The following ARHGAP42 variants were observed in gnomAD, a reference collection of about 807,000 sequenced individuals.
ARHGAP42 encodes the protein Rho GTPase activating protein 42.
ARHGAP42 carries 63 observed loss-of-function variants against 125.0 expected under a neutral mutation model. That is an observed-to-expected ratio of 0.50 (90% CI 0.41 to 0.62). ARHGAP42 has a LOEUF of 0.62. Among genes scored for constraint, ARHGAP42 ranks in the 20% least tolerant of loss-of-function variants. The pLI is 0.00. For missense variants in ARHGAP42, 766 were observed against 1,024.2 expected (o/e 0.75, Z 3.44); for synonymous variants, 339 against 351.0 (o/e 0.97, Z 0.38).
intron 10 of ARHGAP42, among the ~76,000 whole-genome samples, chr11:100,944,503 T>C (rs1167789833): frequency 6.6e-6 from 1 of 152,154 alleles, no homozygotes; most frequent in Non-Finnish European, 1.5e-5. Context: ...GCTTATTGTG[T>C]GTATCCATGT....
chr11:100,982,199 A>G (rs556485423), intron 22 of ARHGAP42, among the ~76,000 whole-genome samples: 1 of 152,314 alleles, frequency 6.6e-6, no homozygotes, highest in African/African-American at 2.4e-5. Context: ...ACAGTGGTAG[A>G]AGCTGCAAAA....
chr11:100,974,405 G>C, intron 18 of ARHGAP42, 54 bp from the exon 19 acceptor site: 1 of 1,495,380 alleles, frequency 6.7e-7, no homozygotes, highest in South Asian at 1.3e-5. Context: ...ATTTTATAAT[G>C]AAAGTGGCAA....
At chr11:100,695,912 T>C (rs552492923) in intron 1 of ARHGAP42, among the ~76,000 whole-genome samples, 2 of 152,122 alleles carry the variant, frequency 1.3e-5, no homozygotes, top group African/African-American at 4.8e-5. Context: ...ACATGGAATA[T>C]AGTGGGAAAA....
At chr11:100,855,608 A>C (rs1379364433) in intron 3 of ARHGAP42, among the ~76,000 whole-genome samples, 1 of 152,062 alleles carries the variant, frequency 6.6e-6, no homozygotes, top group Non-Finnish European at 1.5e-5. Flanking sequence ...TCATTCTTCA[A>C]ACCACATAAA....
intron 1 of ARHGAP42, among the ~76,000 whole-genome samples, chr11:100,744,552 G>GTC: frequency 8.1e-6 from 1 of 122,842 alleles, no homozygotes; most frequent in Non-Finnish European, 1.7e-5. Context: ...GTGTGTGTGT[G>GTC]TGTGTGTGTG....
chr11:100,695,367 G>C (rs980740992), intron 1 of ARHGAP42, among the ~76,000 whole-genome samples: 1 of 152,098 alleles, frequency 6.6e-6, no homozygotes, highest in Admixed American at 6.6e-5. Context: ...GCAATCGCAC[G>C]ATCTCAGCTC....
intron 4 of ARHGAP42, among the ~76,000 whole-genome samples, chr11:100,905,749 G>T (rs1401953239): frequency 5.3e-5 from 8 of 152,122 alleles, no homozygotes; most frequent in Admixed American, 4.6e-4. Context: ...GGTCGAGGCG[G>T]GTGGTTCACT....
At chr11:100,965,327 G>T (rs911929753) in intron 16 of ARHGAP42, among the ~76,000 whole-genome samples, 2 of 152,134 alleles carry the variant, frequency 1.3e-5, no homozygotes, top group African/African-American at 4.8e-5. Flanking sequence ...AGCAATTGCT[G>T]TGATCATTCA....
chr11:100,773,529 A>G (rs902886892), intron 2 of ARHGAP42, among the ~76,000 whole-genome samples: 1 of 152,192 alleles, frequency 6.6e-6, no homozygotes, highest in African/African-American at 2.4e-5. Context: ...AGTACAGAAA[A>G]CATCTTTCTG....
chr11:100,974,257 T>A (rs936816253), intron 18 of ARHGAP42, among the ~76,000 whole-genome samples: 6 of 152,210 alleles, frequency 3.9e-5, no homozygotes, highest in Admixed American at 3.9e-4. Context: ...AAAGATCTTC[T>A]AGATTTTACT....
At chr11:100,866,287 C>T (rs1418662969) in intron 4 of ARHGAP42, among the ~76,000 whole-genome samples, 1 of 152,150 alleles carries the variant, frequency 6.6e-6, no homozygotes, top group Non-Finnish European at 1.5e-5. Context: ...GGAAGTTCCT[C>T]CACTGACGTC....
At chr11:100,970,421 G>C (rs1281853618) in intron 17 of ARHGAP42, among the ~76,000 whole-genome samples, 2 of 152,088 alleles carry the variant, frequency 1.3e-5, no homozygotes, top group African/African-American at 4.8e-5. Context: ...ATAGTTTCAG[G>C]AGAGTTCTGT....
rs114260389 is a variant in ARHGAP42, at chr11:100,923,100, T to C, written c.597+1496T>C. 3.3e-3 allele frequency among the ~76,000 whole-genome samples: 495 copies of C among 152,306 alleles called. 3 individuals are homozygous for C. The highest frequency in any genetic ancestry group is 0.011 in the African/African-American group (461 of 41,572). The stretch of plus-strand genomic sequence containing the variant: ...AGCTCATCTGGGGCTCATGGACAAC[T>C]AGCCAGCCTAACATTTCCTATTCTA... On this transcript the variant is annotated intron_variant, in intron 6 of 23. Coordinates refer to ENST00000298815, the MANE Select transcript of ARHGAP42 (RefSeq NM_152432.4).
At chr11:100,988,427 G>A (rs1029080097) in intron 23 of ARHGAP42, among the ~76,000 whole-genome samples, 1 of 152,142 alleles carries the variant, frequency 6.6e-6, no homozygotes, top group Admixed American at 6.5e-5. Flanking sequence ...AAAATATATA[G>A]TATAACAACT....
chr11:100,786,763 G>T (rs1175099463), intron 2 of ARHGAP42, among the ~76,000 whole-genome samples: 1 of 152,184 alleles, frequency 6.6e-6, no homozygotes, highest in Non-Finnish European at 1.5e-5. Context: ...ATCTGGAGCA[G>T]TAGTAGCAGC....
rs1320343667 is a variant in ARHGAP42 at position 100,687,376 on chromosome 11, G to A, written c.-303G>A. 1.3e-5 allele frequency among the ~76,000 whole-genome samples: 2 copies of A among 152,006 alleles called. No homozygotes were observed. The highest frequency in any genetic ancestry group is 4.8e-5 in the African/African-American group (2 of 41,406). Reference sequence around the variant, plus strand: ...AGAGAAACTTTCCTGCTCCGGCCGCGGCCCGGAGCCTCGCCGCCCCCGCGT... The same window carrying A: ...AGAGAAACTTTCCTGCTCCGGCCGCAGCCCGGAGCCTCGCCGCCCCCGCGT... On this transcript the variant is annotated 5_prime_UTR_variant, in exon 1 of 24. Coordinates refer to ENST00000298815, the MANE Select transcript of ARHGAP42 (RefSeq NM_152432.4).
intron 3 of ARHGAP42, among the ~76,000 whole-genome samples, chr11:100,857,780 A>G (rs1194927100): frequency 1.3e-5 from 2 of 151,994 alleles, no homozygotes; most frequent in Admixed American, 6.6e-5. Flanking sequence ...TGTGTCTTCC[A>G]TAGAACTGTC....
At chr11:100,702,749 GCAAGCTCTGCCTCCCAGGTT>G (rs1285589719) in intron 1 of ARHGAP42, among the ~76,000 whole-genome samples, 1 of 150,088 alleles carries the variant, frequency 6.7e-6, no homozygotes, top group African/African-American at 2.5e-5. Flanking sequence ...TCGGCTCACT[GCAAGCTCTGCCTCCCAGGTT>G]CAAGCGATTC....
chr11:100,851,685 C>T (rs1865207159), intron 3 of ARHGAP42, among the ~76,000 whole-genome samples: 1 of 152,014 alleles, frequency 6.6e-6, no homozygotes, highest in Admixed American at 6.6e-5. Flanking sequence ...AGAAGGCATT[C>T]CATGTATACA....
Sources: allele counts gnomAD v4.1 joint callset (sites outside exome capture counted in the v4.1 genomes callset), GRCh38; gene constraint gnomAD v4.1.1; transcripts MANE v1.5; gene names NCBI Gene and HGNC (gene_info 2026-07-23, HGNC 2026-07-21).